Variants in HCFC2 observed in about 807,000 individuals in gnomAD.
The protein encoded by HCFC2 is host cell factor C2.
A neutral mutation model predicts 89.2 loss-of-function variants in HCFC2; 18 were observed. The observed-to-expected ratio is 0.20, with a 90% confidence interval of 0.14 to 0.30. The LOEUF (loss-of-function observed/expected upper bound fraction) is 0.30, where lower values mean the gene tolerates loss of function less well. Ranked by LOEUF, HCFC2 falls within the 10% of genes least tolerant of loss-of-function variation. HCFC2 has a pLI of 1.00. For synonymous variants in HCFC2, 308 were observed against 335.7 expected (o/e 0.92, Z 0.90); for missense variants, 578 against 956.1 (o/e 0.60, Z 5.21).
chr12:104,098,924 C>T (rs914752802), intron 13 of HCFC2, among the ~76,000 whole-genome samples: 6 of 151,956 alleles, frequency 3.9e-5, no homozygotes, highest in Admixed American at 1.3e-4. Flanking sequence ...GGCATGAACC[C>T]GGGAGGTGGA....
At chr12:104,067,727 G>C (rs965065133) in intron 2 of HCFC2, among the ~76,000 whole-genome samples, 1 of 152,162 alleles carries the variant, frequency 6.6e-6, no homozygotes, top group Non-Finnish European at 1.5e-5. Flanking sequence ...AGTTTGCCAT[G>C]GAAATCTGTG....
chr12:104,084,164 G>T (rs1270021543), intron 7 of HCFC2, among the ~76,000 whole-genome samples: 1 of 152,268 alleles, frequency 6.6e-6, no homozygotes, highest in Admixed American at 6.5e-5. Context: ...GAACAAGACT[G>T]ATAGTGCGCC....
chr12:104,066,457 T>G, intron 2 of HCFC2, 142 bp downstream of exon 2: 1 of 604,178 alleles, frequency 1.7e-6, no homozygotes, highest in Non-Finnish European at 2.7e-6. Context: ...AAACTATTAT[T>G]CAAGTAATAT....
chr12:104,105,467 A>G lies in HCFC2; in HGVS notation c.*2194A>G, dbSNP rs530169151. ...CTTCTGGATCAGGAGGTGATTCTGA[A>G]CCTGTGGTTCTAACATATGACTTAA... On this transcript the variant is annotated 3_prime_UTR_variant, in exon 15 of 15. Transcript: ENST00000229330. 1 of 152,124 alleles carries G rather than the reference A, an allele frequency of 6.6e-6. No homozygotes were observed. The highest frequency in any genetic ancestry group is 6.5e-5 in the Admixed American group (1 of 15,272). 9.4% of individuals were successfully genotyped at this position (152,124 alleles called of 1,614,324 possible). A position where few individuals can be genotyped will look rare whatever the true frequency, so the allele number is the denominator to read the frequency against.
Position 104,066,304 on chromosome 12 carries a change from T to C in HCFC2, c.301T>C (p.Tyr101His), listed in dbSNP as rs759481011. Residue 101 changes from tyrosine (Y) to histidine (H), a missense_variant, in exon 2 of 15, where the codon TAT becomes CAT. By Grantham distance (83) the Tyr-to-His change is moderately conservative (BLOSUM62 2). Transcript: ENST00000229330. Reference protein sequence around the residue: ...VEYGRYSNELYELQASRWLWK... With the variant: ...VEYGRYSNELHELQASRWLWK... ...ATATGGAAGATACAGCAATGAGTTA[T>C]ATGAGTTACAAGTAAGTGTATTTAA... is the stretch of plus-strand genomic sequence containing the variant. The C allele has an allele frequency of 6.3e-7, 1 of 1,596,618 alleles. No individual in the cohort carries two copies. The highest frequency in any genetic ancestry group is 1.8e-5 in the Admixed American group (1 of 56,100).
chr12:104,099,908 C>T (rs572594237), intron 13 of HCFC2, among the ~76,000 whole-genome samples: 17 of 152,228 alleles, frequency 1.1e-4, no homozygotes, highest in Middle Eastern at 3.4e-3. Context: ...CCTTCCATCC[C>T]GGCTTCCCAA....
chr12:104,078,397 A>G (rs17805766), intron 3 of HCFC2, among the ~76,000 whole-genome samples: 13,488 of 152,252 alleles, frequency 0.089, 874 homozygotes, highest in Admixed American at 0.17. Flanking sequence ...TTGAAGTTTT[A>G]TATGTCCTGA....
intron 1 of HCFC2, 100 bp from the exon 2 acceptor site, chr12:104,066,067 C>G: frequency 8.5e-7 from 1 of 1,172,712 alleles, no homozygotes; most frequent in Non-Finnish European, 1.2e-6. Flanking sequence ...GCAGAATCAT[C>G]CCCAGTTGAG....
At chr12:104,084,790 A>C (rs974213437) in intron 7 of HCFC2, among the ~76,000 whole-genome samples, 1 of 152,170 alleles carries the variant, frequency 6.6e-6, no homozygotes, top group Non-Finnish European at 1.5e-5. Flanking sequence ...GGAGGGGAGG[A>C]CTGGATAAAT....
rs1156737438 is a variant in HCFC2, at chr12:104,068,076, G to A, written c.442G>A (p.Glu148Lys). 6 of 1,596,424 alleles carry A rather than the reference G, an allele frequency of 3.8e-6. No individual in the cohort carries two copies. The highest frequency in any genetic ancestry group is 2.7e-5 in the African/African-American group (2 of 73,616). Residue 148 changes from glutamate (E) to lysine (K), a missense_variant, in exon 3 of 15, where the codon GAA becomes AAA. Physicochemically the swap from Glu to Lys is moderately conservative, Grantham distance 56. This residue lies in a region of HCFC2 where 206 missense variants were observed against 419.2 expected (regional missense o/e 0.49). Transcript: ENST00000229330. The surrounding 1 kb of genome is among the most constrained non-coding windows in gnomAD (Gnocchi z 4.1). Reference sequence around the variant, plus strand: ...CTATTTGTTTGGTGGCCTGGCAAACGAAAGCGAAGATTCAAACAATAATGT... The same window carrying A: ...CTATTTGTTTGGTGGCCTGGCAAACAAAAGCGAAGATTCAAACAATAATGT... ...KCYLFGGLAN[E>K]SEDSNNNVPR...
At position 104,064,668 on chromosome 12, in the gene HCFC2, C is replaced by T. The variant is rs1303566597; in HGVS notation, c.108C>T (p.Ile36=). 2 of 1,581,262 alleles carry T rather than the reference C, an allele frequency of 1.3e-6. No homozygotes were observed. Among genetic ancestry groups the T allele is most frequent in the Admixed American group, 3.6e-5 (2 of 55,900 alleles). Residue 36 remains isoleucine, a synonymous_variant, in exon 1 of 15, where the codon ATC becomes ATT. Coordinates refer to ENST00000229330, the MANE Select transcript of HCFC2 (RefSeq NM_013320.3). The surrounding 1 kb of genome is among the most constrained non-coding windows in gnomAD (Gnocchi z 7.3). ...HRAVAIRELM[I]IFGGGNEGIA... ...CGGTGGCCATCCGGGAGCTGATGAT[C>T]ATCTTTGGAGGGGGAAATGAGGGCA...
At chr12:104,067,365 A>G (rs1163562866) in intron 2 of HCFC2, among the ~76,000 whole-genome samples, 1 of 152,256 alleles carries the variant, frequency 6.6e-6, no homozygotes, top group African/African-American at 2.4e-5. Context: ...AACCAGACTC[A>G]TAGCCCTTGT....
At chr12:104,087,949 A>G in intron 8 of HCFC2, 37 bp from the exon 9 acceptor site, 1 of 1,296,098 alleles carries the variant, frequency 7.7e-7, no homozygotes, top group Non-Finnish European at 1.1e-6. Flanking sequence ...GAAGCTAGTT[A>G]AGAGCATATC....
At chr12:104,072,166 G>A (rs1411182996) in intron 3 of HCFC2, among the ~76,000 whole-genome samples, 3 of 152,164 alleles carry the variant, frequency 2.0e-5, no homozygotes, top group African/African-American at 7.2e-5. Flanking sequence ...TGACCCAGAA[G>A]TATGAGACCA....
At chr12:104,085,942 T>C (rs1883823885) in intron 7 of HCFC2, among the ~76,000 whole-genome samples, 1 of 151,826 alleles carries the variant, frequency 6.6e-6, no homozygotes, top group Non-Finnish European at 1.5e-5. Flanking sequence ...ATTTAGGCAA[T>C]AATGTGCTCA....
At chr12:104,075,195 TA>T (rs57363649) in intron 3 of HCFC2, among the ~76,000 whole-genome samples, 16 of 148,118 alleles carry the variant, frequency 1.1e-4, no homozygotes, top group East Asian at 2.0e-4. Flanking sequence ...TCTGTGAAAA[TA>T]AAAAAAAAAA....
At chr12:104,070,430 G>A (rs1253912491) in intron 3 of HCFC2, among the ~76,000 whole-genome samples, 1 of 152,188 alleles carries the variant, frequency 6.6e-6, no homozygotes, top group Non-Finnish European at 1.5e-5. Context: ...TCAAGCTTTG[G>A]AGATTTAGAG....
At chr12:104,093,945 G>T (rs1221746502) in intron 10 of HCFC2, among the ~76,000 whole-genome samples, 1 of 152,078 alleles carries the variant, frequency 6.6e-6, no homozygotes, top group Admixed American at 6.5e-5. Context: ...AAATGGAGAG[G>T]CGAGAATTCA....
chr12:104,086,580 C>T (rs187369673), intron 7 of HCFC2, among the ~76,000 whole-genome samples: 201 of 150,618 alleles, frequency 1.3e-3, no homozygotes, highest in African/African-American at 4.1e-3. Flanking sequence ...TTGGTAGTTT[C>T]GTACTGGATT....
Sources: gnomAD v4.1 joint callset for allele counts (sites outside exome capture counted in the v4.1 genomes callset) on GRCh38, gnomAD v4.1.1 for gene constraint, gnomAD v4.1.1 regional missense constraint, Gnocchi (gnomAD v3.1) non-coding constraint, MANE v1.5 for transcripts, NCBI Gene and HGNC (gene_info 2026-07-23, HGNC 2026-07-21) for gene names.